The following ANKMY2 variants were observed in gnomAD, a reference collection of about 807,000 sequenced individuals.
ANKMY2 encodes ankyrin repeat and MYND domain-containing protein 2.
Under a neutral mutation model 50.4 loss-of-function variants are expected in ANKMY2, and 36 were observed. That is an observed-to-expected ratio of 0.71 (90% CI 0.55 to 0.94). ANKMY2 has a LOEUF of 0.94. ANKMY2 is among the 40% of genes least tolerant of loss of function. ANKMY2 has a pLI of 0.00. For synonymous variants in ANKMY2, 187 were observed against 178.8 expected (o/e 1.05, Z -0.36); for missense variants, 565 against 524.0 (o/e 1.08, Z -0.76).
intron 7 of ANKMY2, 115 bp from the exon 8 acceptor site, chr7:16,604,964 T>G: frequency 6.7e-6 from 7 of 1,045,810 alleles, no homozygotes; most frequent in Non-Finnish European, 9.1e-6. Flanking sequence ...AAGGAAGAAA[T>G]CATTAAGGCT....
At chr7:16,612,552 C>CAGTA (rs1781273068) in intron 5 of ANKMY2, among the ~76,000 whole-genome samples, 1 of 152,112 alleles carries the variant, frequency 6.6e-6, no homozygotes, top group Non-Finnish European at 1.5e-5. Context: ...GTTGTTTGAT[C>CAGTA]AGTATTTTTA....
chr7:16,610,177 C>G (rs1781224262), intron 6 of ANKMY2, among the ~76,000 whole-genome samples: 1 of 152,178 alleles, frequency 6.6e-6, no homozygotes, highest in Non-Finnish European at 1.5e-5. Flanking sequence ...CTCCAAGATA[C>G]AGTAACAGAG....
Position 16,602,416 on chromosome 7 carries a change from A to C in ANKMY2, c.1105T>G (p.Leu369Val), listed in dbSNP as rs149509831. 1.2e-6 allele frequency: 2 copies of C among 1,613,696 alleles called. No individual in the cohort carries two copies. The highest frequency in any genetic ancestry group is 2.7e-5 in the African/African-American group (2 of 74,974). ...NLKDIYEKQQLEAAKEKRQEE... is the reference protein window; with the variant it reads ...NLKDIYEKQQVEAAKEKRQEE... Reference sequence around the variant, plus strand: ...TGTCTCTTTTCTTTGGCAGCCTCCAACTGTTGCTTTTCGTAAATGTCCTTC... The same window carrying C: ...TGTCTCTTTTCTTTGGCAGCCTCCACCTGTTGCTTTTCGTAAATGTCCTTC... The change falls in exon 9 of 10, where the codon TTG becomes GTG. Residue 369 changes from leucine to valine, a missense_variant. Leu to Val is a conservative substitution (Grantham distance 32). Coordinates refer to ENST00000306999, the MANE Select transcript of ANKMY2 (RefSeq NM_020319.3).
rs538989576 is a variant in ANKMY2, at chr7:16,637,670, A to G, written c.68-1215T>C. On this transcript the variant is annotated intron_variant, in intron 1 of 9. Transcript: ENST00000306999. Reference sequence around the variant, plus strand: ...TGAGCATGCGAGCCAGTTCTACATGAAACCTTATTCGTATCTGTGTCTTCT... The same window carrying G: ...TGAGCATGCGAGCCAGTTCTACATGGAACCTTATTCGTATCTGTGTCTTCT... Among the ~76,000 whole-genome samples, 7 of 152,344 alleles carry G rather than the reference A, an allele frequency of 4.6e-5. No homozygotes were observed. The East Asian group carries it at 9.6e-4, about 21-fold the overall frequency.
chr7:16,626,125 CGTGCGCCACT>C (rs2128344690), intron 3 of ANKMY2, among the ~76,000 whole-genome samples: 1 of 151,832 alleles, frequency 6.6e-6, no homozygotes, highest in Non-Finnish European at 1.5e-5. Flanking sequence ...GCACCACAGA[CGTGCGCCACT>C]GTCCCTGGCT....
In ANKMY2 at chr7:16,617,941, T is replaced by G. The variant is rs920460476; in HGVS notation, c.371-2037A>C. On this transcript the variant is annotated intron_variant, in intron 4 of 9. Transcript: ENST00000306999. ...TGTTTTTTTTTTTTTTTTTTTTTTT[T>G]GGGTGAGACAGAGTCTGGCTCTGTT... Among the ~76,000 whole-genome samples the G allele has an allele frequency of 2.7e-3, 333 of 122,056 alleles. 2 individuals carry two copies. Among genetic ancestry groups the G allele is most frequent in the African/African-American group, 9.1e-3 (306 of 33,700 alleles). The allele number at this position is 122,056 out of a possible 152,430, so 80.1% of individuals were successfully genotyped here.
At chr7:16,612,328 A>T (rs1414438786) in intron 5 of ANKMY2, among the ~76,000 whole-genome samples, 5 of 152,186 alleles carry the variant, frequency 3.3e-5, no homozygotes, top group South Asian at 2.1e-4. Flanking sequence ...AATTAAACGA[A>T]TTTCACTTTT....
At chr7:16,644,533 G>T (rs1044459373) in intron 1 of ANKMY2, 1 of 343,252 alleles carries the variant, frequency 2.9e-6, no homozygotes, top group Non-Finnish European at 5.8e-6. Flanking sequence ...GAAGCCTTAT[G>T]CTGCAATGAC....
intron 2 of ANKMY2, among the ~76,000 whole-genome samples, chr7:16,630,722 T>G (rs1055468422): frequency 5.9e-5 from 9 of 152,176 alleles, no homozygotes; most frequent in Non-Finnish European, 1.2e-4. Context: ...ATACAAGTGC[T>G]GGAAGAAAAT....
chr7:16,625,771 T>G (rs531489556), intron 3 of ANKMY2, among the ~76,000 whole-genome samples: 27 of 152,202 alleles, frequency 1.8e-4, no homozygotes, highest in African/African-American at 6.5e-4. Context: ...CTCCCCCAAA[T>G]AGTGTAAAGA....
chr7:16,621,177 G>A (rs1173411719), intron 4 of ANKMY2, among the ~76,000 whole-genome samples: 2 of 152,176 alleles, frequency 1.3e-5, no homozygotes, highest in South Asian at 2.1e-4. Flanking sequence ...CCAGCTGGAA[G>A]TGACTGAGTG....
At chr7:16,606,729 T>G (rs1029316090) in intron 7 of ANKMY2, among the ~76,000 whole-genome samples, 5 of 152,246 alleles carry the variant, frequency 3.3e-5, no homozygotes, top group African/African-American at 1.2e-4. Flanking sequence ...CCTACACTGT[T>G]CTGTATACTC....
At chr7:16,605,528 G>T (rs1056740668) in intron 7 of ANKMY2, among the ~76,000 whole-genome samples, 1 of 151,926 alleles carries the variant, frequency 6.6e-6, no homozygotes, top group African/African-American at 2.4e-5. Flanking sequence ...TTGAGATGGA[G>T]TCTCTGTCAC....
At chr7:16,603,709 A>T (rs1287980592) in intron 8 of ANKMY2, 2 of 471,050 alleles carry the variant, frequency 4.2e-6, no homozygotes, top group African/African-American at 2.0e-5. Flanking sequence ...AATTTGTTTC[A>T]ACCAACAGCA....
rs1562765435 is a variant in ANKMY2, at chr7:16,604,729, A to T, written c.1003T>A (p.Cys335Ser). Residue 335 changes from cysteine to serine, a missense_variant, in exon 8 of 10, where the codon TGC (cysteine) becomes AGC (serine). Physicochemically the swap from Cys to Ser is moderately radical, Grantham distance 112. Coordinates refer to ENST00000306999, the MANE Select transcript of ANKMY2 (RefSeq NM_020319.3). The part of the protein sequence containing the change: ...EKGASKRCSV[C>S]KMVIYCDQTC... The stretch of plus-strand genomic sequence containing the variant: ...AAGAACTCCATTCTTACCATTTTGC[A>T]AACTGAACATCTTTTACTTGCTCCC... The T allele has an allele frequency of 1.2e-6, 2 of 1,613,842 alleles. No individual in the cohort carries two copies. Among genetic ancestry groups the T allele is most frequent in the Non-Finnish European group, 1.7e-6 (2 of 1,179,814 alleles).
intron 1 of ANKMY2, among the ~76,000 whole-genome samples, 178 bp from the exon 2 acceptor site, chr7:16,636,633 T>A (rs1781666392): frequency 6.6e-6 from 1 of 152,154 alleles, no homozygotes; most frequent in African/African-American, 2.4e-5. Context: ...AATTGTCCAG[T>A]AGAATAGATT....
In ANKMY2 at chr7:16,618,394, G is replaced by T. The variant is rs573210014; in HGVS notation, c.371-2490C>A. On this transcript the variant is annotated intron_variant, in intron 4 of 9. Transcript: ENST00000306999. ...ATGAAAGAGCTAAAGAACAAATCCA[G>T]GAAATCTAATAGTGAAAATTAACAG... Among the ~76,000 whole-genome samples, 7 of 151,866 alleles carry T rather than the reference G, an allele frequency of 4.6e-5. No homozygotes were observed. In the South Asian group the frequency reaches 1.5e-3, roughly 32 times the overall value.
chr7:16,603,588 G>A (rs1398542537), intron 8 of ANKMY2: 10 of 470,930 alleles, frequency 2.1e-5, no homozygotes, highest in Non-Finnish European at 4.0e-5. Flanking sequence ...TACATATATT[G>A]TATTATTGGC....
intron 8 of ANKMY2, 49 bp downstream of exon 8, chr7:16,604,672 G>T: frequency 1.3e-6 from 2 of 1,584,318 alleles, no homozygotes; most frequent in South Asian, 1.2e-5. Flanking sequence ...CATCAGCTTG[G>T]CTGCATCTAA....
Sources: allele counts gnomAD v4.1 joint callset (sites outside exome capture counted in the v4.1 genomes callset), GRCh38; gene constraint gnomAD v4.1.1; transcripts MANE v1.5; gene names NCBI Gene and HGNC (gene_info 2026-07-23, HGNC 2026-07-21).